CTNNA3: variants seen among roughly 807,000 people sequenced by gnomAD.
The protein encoded by CTNNA3 is catenin alpha-3.
CTNNA3 carries 76 observed loss-of-function variants against 95.7 expected under a neutral mutation model. The observed-to-expected ratio is 0.79, with a 90% CI of 0.66 to 0.96. CTNNA3 has a LOEUF of 0.96. CTNNA3 is among the 40% of genes least tolerant of loss of function. The pLI, the probability that CTNNA3 is intolerant of heterozygous loss-of-function variation, is 0.00. For missense variants in CTNNA3, 1,191 were observed against 1,089.8 expected (o/e 1.09, Z -1.31); for synonymous variants, 431 against 374.4 (o/e 1.15, Z -1.74).
intron 13 of CTNNA3, among the ~76,000 whole-genome samples, chr10:66,106,199 C>T (rs1195612403): frequency 3.4e-5 from 5 of 147,198 alleles, no homozygotes; most frequent in African/African-American, 1.3e-4. Context: ...AAGAGTGAAA[C>T]TCCATCTCAA....
chr10:66,553,478 T>G (rs1050654438), intron 10 of CTNNA3, among the ~76,000 whole-genome samples: 5 of 148,590 alleles, frequency 3.4e-5, no homozygotes, highest in African/African-American at 9.9e-5. Context: ...AGTGACAACA[T>G]GAATTATTCA....
chr10:66,483,135 T>C (rs1186872541), intron 11 of CTNNA3, among the ~76,000 whole-genome samples: 3 of 152,184 alleles, frequency 2.0e-5, no homozygotes, highest in Admixed American at 1.3e-4. Context: ...GTTATTCTAA[T>C]AGTTAAGAGG....
chr10:66,479,979 C>CA (rs1565003130), intron 11 of CTNNA3, among the ~76,000 whole-genome samples: 15 of 146,554 alleles, frequency 1.0e-4, no homozygotes, highest in African/African-American at 3.2e-4. Context: ...CACACACACA[C>CA]CCCAGAACTT....
chr10:67,569,009 T>A (rs928959022), intron 3 of CTNNA3, among the ~76,000 whole-genome samples: 2 of 152,264 alleles, frequency 1.3e-5, no homozygotes, highest in African/African-American at 4.8e-5. Context: ...GTTCTTCATT[T>A]GAAAGAGAAT....
intron 2 of CTNNA3, among the ~76,000 whole-genome samples, chr10:67,646,052 G>A (rs1177913735): frequency 1.3e-5 from 2 of 149,794 alleles, no homozygotes; most frequent in Admixed American, 1.3e-4. Flanking sequence ...TATTGTACTG[G>A]AAGTAAACGC....
In CTNNA3 at chr10:66,996,649, C is replaced by CAAAAAAAAAAAAAAAAAAAAAAAA. The variant is rs57025097; in HGVS notation, c.1047+183667_1047+183668insTTTTTTTTTTTTTTTTTTTTTTTT. ...GTGAGAGAGTGAGACTCCGTCTCTA[C>CAAAAAAAAAAAAAAAAAAAAAAAA]AAAAAAAAAAAAAAAAAAAAAAGCA... On this transcript the variant is annotated intron_variant, in intron 7 of 17. Transcript: ENST00000433211. 5.9e-5 allele frequency among the ~76,000 whole-genome samples: 4 copies of CAAAAAAAAAAAAAAAAAAAAAAAA among 67,638 alleles called. 1 individual carries two copies. The highest frequency in any genetic ancestry group is 7.6e-5 in the Non-Finnish European group (3 of 39,544). 44.4% of individuals were successfully genotyped at this position (67,638 alleles called of 152,430 possible). A position where few individuals can be genotyped will look rare whatever the true frequency, so the allele number is the denominator to read the frequency against.
intron 16 of CTNNA3, among the ~76,000 whole-genome samples, chr10:65,986,594 T>A (rs958014098): frequency 6.6e-6 from 1 of 151,720 alleles, no homozygotes; most frequent in Non-Finnish European, 1.5e-5. Context: ...CCTCTGTTCA[T>A]GTATGGAAAG....
intron 5 of CTNNA3, among the ~76,000 whole-genome samples, chr10:67,233,098 T>C (rs1276748988): frequency 6.6e-6 from 1 of 152,188 alleles, no homozygotes; most frequent in Non-Finnish European, 1.5e-5. Context: ...ATTAGACAGA[T>C]CAATGAGACA....
chr10:66,155,982 A>G (rs999433097), intron 13 of CTNNA3, among the ~76,000 whole-genome samples: 5 of 151,982 alleles, frequency 3.3e-5, no homozygotes, highest in African/African-American at 1.2e-4. Context: ...ACACTTTATC[A>G]AAGAATATAT....
chr10:66,836,418 A>G (rs77185851), intron 7 of CTNNA3, among the ~76,000 whole-genome samples: 1 of 152,282 alleles, frequency 6.6e-6, no homozygotes, highest in East Asian at 1.9e-4. Flanking sequence ...TTCTCACAAT[A>G]AAACTCATAG....
At chr10:66,839,533 A>G (rs1281958800) in intron 7 of CTNNA3, among the ~76,000 whole-genome samples, 1 of 152,120 alleles carries the variant, frequency 6.6e-6, no homozygotes, top group Non-Finnish European at 1.5e-5. Flanking sequence ...CATAATAATA[A>G]AAATTTTTAT....
At chr10:66,394,505 C>A (rs1035640796) in intron 11 of CTNNA3, among the ~76,000 whole-genome samples, 1 of 150,700 alleles carries the variant, frequency 6.6e-6, no homozygotes, top group African/African-American at 2.4e-5. Context: ...GCTTCCTCTC[C>A]CACAGACTGA....
intron 12 of CTNNA3, among the ~76,000 whole-genome samples, chr10:66,283,917 T>G (rs1372202430): frequency 6.6e-6 from 1 of 151,908 alleles, no homozygotes; most frequent in Non-Finnish European, 1.5e-5. Flanking sequence ...GACAAGCCTG[T>G]CTTTACTCCA....
intron 12 of CTNNA3, among the ~76,000 whole-genome samples, chr10:66,368,529 T>C (rs1236557121): frequency 1.3e-5 from 2 of 152,162 alleles, no homozygotes; most frequent in Non-Finnish European, 2.9e-5. Context: ...CGTAGTTATA[T>C]CTTTTCAGTT....
intron 12 of CTNNA3, among the ~76,000 whole-genome samples, chr10:66,344,201 T>C (rs1350941922): frequency 7.7e-6 from 1 of 129,734 alleles, no homozygotes; most frequent in Admixed American, 8.2e-5. Flanking sequence ...CACTCCAGCC[T>C]GGGGGACAGG....
Position 66,106,556 on chromosome 10 carries a change from T to C in CTNNA3, c.1885-3307A>G, listed in dbSNP as rs1331633677. On this transcript the variant is annotated intron_variant, in intron 13 of 17. Transcript: ENST00000433211. ...TGTTTCCCTCAGAATAAAATTCGGATAATAATACCTAATCCCAAAAGTTGT... is the reference window on the plus strand; with the variant it reads ...TGTTTCCCTCAGAATAAAATTCGGACAATAATACCTAATCCCAAAAGTTGT... 2.6e-5 allele frequency among the ~76,000 whole-genome samples: 4 copies of C among 152,262 alleles called. No individual in the cohort carries two copies. In the East Asian group the frequency reaches 7.7e-4, roughly 29 times the overall value.
At chr10:67,124,240 A>G (rs1366615182) in intron 7 of CTNNA3, among the ~76,000 whole-genome samples, 2 of 152,078 alleles carry the variant, frequency 1.3e-5, no homozygotes, top group Non-Finnish European at 2.9e-5. Context: ...TCAAGCTCAT[A>G]GCTGTTACTT....
intron 11 of CTNNA3, among the ~76,000 whole-genome samples, chr10:66,393,200 C>A (rs2092947658): frequency 6.6e-6 from 1 of 152,016 alleles, no homozygotes; most frequent in Non-Finnish European, 1.5e-5. Flanking sequence ...GCTACGGGAA[C>A]AATAAAATTC....
intron 7 of CTNNA3, among the ~76,000 whole-genome samples, chr10:67,144,273 G>A (rs1010364597): frequency 6.6e-6 from 1 of 152,198 alleles, no homozygotes; most frequent in Non-Finnish European, 1.5e-5. Context: ...AGGACAGTGT[G>A]GGTTTAGCAT....
Sources: gnomAD v4.1 joint callset for allele counts (sites outside exome capture counted in the v4.1 genomes callset) on GRCh38, gnomAD v4.1.1 for gene constraint, MANE v1.5 for transcripts, NCBI Gene and HGNC (gene_info 2026-07-23, HGNC 2026-07-21) for gene names.